The following MAF variants were observed in gnomAD, a reference collection of about 807,000 sequenced individuals.
MAF encodes MAF bZIP transcription factor.
In MAF, 10 loss-of-function variants were observed where a neutral mutation model predicts 22.0. The observed-to-expected ratio is 0.45, with a 90% CI of 0.28 to 0.77. The LOEUF (loss-of-function observed/expected upper bound fraction) is 0.77, where lower values mean the gene tolerates loss of function less well. MAF is among the 30% of genes least tolerant of loss of function. The pLI, the probability that MAF is intolerant of heterozygous loss-of-function variation, is 0.12. For missense variants in MAF, 544 were observed against 548.4 expected, an observed-to-expected ratio of 0.99 and a Z score of 0.08; for synonymous variants, 337 against 255.8, an observed-to-expected ratio of 1.32 and a Z score of -3.03.
chr16:79,213,297 G>A, the MAF span, among the ~76,000 whole-genome samples: 904 of 152,098 alleles, frequency 5.9e-3, 3 homozygotes, highest in Non-Finnish European at 8.8e-3. Flanking sequence ...CAGAGCAGTC[G>A]AACAAACAAA....
chr16:79,403,047 G>A, the MAF span, among the ~76,000 whole-genome samples: 7 of 152,118 alleles, frequency 4.6e-5, no homozygotes, highest in African/African-American at 1.7e-4. Context: ...CTCTCATAAT[G>A]GATTTCAGCT....
the MAF span, among the ~76,000 whole-genome samples, chr16:79,554,292 C>G: frequency 2.2e-4 from 33 of 152,152 alleles, no homozygotes; most frequent in Non-Finnish European, 3.4e-4. Context: ...AACTGAGGAT[C>G]TGAAAGACAA....
chr16:79,306,855 C>T, the MAF span, among the ~76,000 whole-genome samples: 1 of 152,216 alleles, frequency 6.6e-6, no homozygotes, highest in African/African-American at 2.4e-5. Flanking sequence ...ACTTCCTACC[C>T]TGTAAAATGG....
chr16:79,413,397 C>G, the MAF span, among the ~76,000 whole-genome samples: 2 of 121,382 alleles, frequency 1.6e-5, no homozygotes, highest in Non-Finnish European at 3.5e-5. Context: ...GCGCCTGCCA[C>G]CTCGCCCGGC....
At chr16:79,465,227 A>G in the MAF span, among the ~76,000 whole-genome samples, 2 of 152,196 alleles carry the variant, frequency 1.3e-5, no homozygotes, top group Non-Finnish European at 2.9e-5. Context: ...CTTGGAACCC[A>G]TGGATACAGA....
At chr16:79,477,588 C>T in the MAF span, among the ~76,000 whole-genome samples, 1 of 152,330 alleles carries the variant, frequency 6.6e-6, no homozygotes, top group East Asian at 1.9e-4. Context: ...AGAGCCTTAA[C>T]ATTCCTATAG....
chr16:79,358,474 G>C, the MAF span, among the ~76,000 whole-genome samples: 1 of 152,134 alleles, frequency 6.6e-6, no homozygotes, highest in Non-Finnish European at 1.5e-5. Flanking sequence ...AGAGCTACTT[G>C]ATCCCACCCA....
At chr16:79,474,748 C>G in the MAF span, among the ~76,000 whole-genome samples, 1 of 152,114 alleles carries the variant, frequency 6.6e-6, no homozygotes, top group Admixed American at 6.5e-5. Flanking sequence ...TGAGCATGAC[C>G]CAGACCTACT....
chr16:79,564,059 C>G, the MAF span, among the ~76,000 whole-genome samples: 2 of 152,236 alleles, frequency 1.3e-5, no homozygotes, highest in Non-Finnish European at 2.9e-5. Context: ...GGATGCATTT[C>G]AAGTGGAGCA....
At chr16:79,291,200 A>G in the MAF span, among the ~76,000 whole-genome samples, 2 of 152,064 alleles carry the variant, frequency 1.3e-5, no homozygotes, top group African/African-American at 2.4e-5. Context: ...TCTCCTACAG[A>G]GCATAGGAGT....
chr16:79,535,662 C>T, the MAF span, among the ~76,000 whole-genome samples: 9 of 142,158 alleles, frequency 6.3e-5, no homozygotes, highest in Non-Finnish European at 1.4e-4. Flanking sequence ...ACATCTCGGT[C>T]ACTGCAACTT....
At chr16:79,305,259 C>T in the MAF span, among the ~76,000 whole-genome samples, 2 of 152,176 alleles carry the variant, frequency 1.3e-5, no homozygotes, top group Admixed American at 6.5e-5. Context: ...CCACCAGAAC[C>T]GGGCGGCCAA....
the MAF span, among the ~76,000 whole-genome samples, chr16:79,345,196 G>A: frequency 1.8e-5 from 2 of 108,172 alleles, no homozygotes; most frequent in Non-Finnish European, 3.8e-5. Flanking sequence ...TCATTTGTCA[G>A]TACATTATAT....
At chr16:79,323,022 C>T in the MAF span, among the ~76,000 whole-genome samples, 3 of 151,292 alleles carry the variant, frequency 2.0e-5, no homozygotes, top group East Asian at 1.9e-4. Context: ...TGGTGGCAAG[C>T]GCCTGTAGTC....
At chr16:79,318,353 G>T in the MAF span, among the ~76,000 whole-genome samples, 1 of 152,164 alleles carries the variant, frequency 6.6e-6, no homozygotes, top group Non-Finnish European at 1.5e-5. Flanking sequence ...ATCAGGAAAG[G>T]CTTCCTGGAG....
chr16:79,252,688 C>A, the MAF span, among the ~76,000 whole-genome samples: 1 of 152,106 alleles, frequency 6.6e-6, no homozygotes, highest in African/African-American at 2.4e-5. Flanking sequence ...CAGGGTTTCA[C>A]CATGTTGGCC....
At chr16:79,550,633 G>T in the MAF span, among the ~76,000 whole-genome samples, 62 of 152,280 alleles carry the variant, frequency 4.1e-4, 1 homozygote, top group African/African-American at 1.4e-3. Flanking sequence ...ATGCTTGTAA[G>T]GAGGTAGAGC....
At chr16:79,428,380 C>A in the MAF span, among the ~76,000 whole-genome samples, 3 of 152,282 alleles carry the variant, frequency 2.0e-5, no homozygotes, top group African/African-American at 7.2e-5. Context: ...CTCTAGCTGA[C>A]CCCCACCTCA....
chr16:79,273,879 G>T, the MAF span, among the ~76,000 whole-genome samples: 2 of 151,516 alleles, frequency 1.3e-5, no homozygotes, highest in Non-Finnish European at 2.9e-5. Context: ...TATCTTTGAG[G>T]GACTAGTATT....
Sources: gnomAD v4.1 joint callset for allele counts (sites outside exome capture counted in the v4.1 genomes callset) on GRCh38, gnomAD v4.1.1 for gene constraint, MANE v1.5 for transcripts, NCBI Gene and HGNC (gene_info 2026-07-23, HGNC 2026-07-21) for gene names.